SGMS1: variants seen among roughly 807,000 people sequenced by gnomAD.
SGMS1 encodes sphingomyelin synthase 1.
A neutral mutation model predicts 46.2 loss-of-function variants in SGMS1; 13 were observed. The ratio of observed to expected loss-of-function variants is 0.28; its 90% CI spans 0.18 to 0.45. The LOEUF (loss-of-function observed/expected upper bound fraction) is 0.45, where lower values mean the gene tolerates loss of function less well. Ranked by LOEUF, SGMS1 falls within the 20% of genes least tolerant of loss-of-function variation. The pLI is 1.00. For synonymous variants in SGMS1, 203 were observed against 187.8 expected (o/e 1.08, Z -0.66); for missense variants, 324 against 519.9 (o/e 0.62, Z 3.66).
chr10:50,497,806 T>A (rs767229516), intron 3 of SGMS1, among the ~76,000 whole-genome samples: 2 of 151,606 alleles, frequency 1.3e-5, no homozygotes, highest in Non-Finnish European at 2.9e-5. Context: ...AAAAAAAAAA[T>A]TCCAGATCCT....
At chr10:50,332,106 A>AAT (rs1453749511) in intron 7 of SGMS1, among the ~76,000 whole-genome samples, 1 of 152,190 alleles carries the variant, frequency 6.6e-6, no homozygotes, top group African/African-American at 2.4e-5. Flanking sequence ...CATTTTAATA[A>AAT]AATCCAAATC....
At chr10:50,588,150 C>T (rs574112322) in intron 2 of SGMS1, among the ~76,000 whole-genome samples, 1 of 152,250 alleles carries the variant, frequency 6.6e-6, no homozygotes, top group South Asian at 2.1e-4. Flanking sequence ...TCTGAGCTAC[C>T]CGTGATTCCA....
At chr10:50,543,678 T>C (rs1395652976) in intron 2 of SGMS1, among the ~76,000 whole-genome samples, 1 of 152,202 alleles carries the variant, frequency 6.6e-6, no homozygotes, top group African/African-American at 2.4e-5. Context: ...GGAACTTCCT[T>C]ACGAATCCCA....
At chr10:50,324,371 T>C (rs1847497543) in intron 8 of SGMS1, among the ~76,000 whole-genome samples, 1 of 152,330 alleles carries the variant, frequency 6.6e-6, no homozygotes, top group Admixed American at 6.5e-5. Context: ...CAGAGAGAGA[T>C]GGAAGATTCA....
intron 2 of SGMS1, among the ~76,000 whole-genome samples, chr10:50,553,007 C>T (rs1321603105): frequency 6.6e-6 from 1 of 152,206 alleles, no homozygotes; most frequent in African/African-American, 2.4e-5. Context: ...AGAGGGAGCA[C>T]AGCCCTGCCA....
chr10:50,486,286 A>AT (rs935002895), intron 3 of SGMS1, among the ~76,000 whole-genome samples: 1 of 152,212 alleles, frequency 6.6e-6, no homozygotes, highest in Non-Finnish European at 1.5e-5. Flanking sequence ...ATCAAAACCA[A>AT]TTGCAATAAA....
chr10:50,574,670 G>A (rs1404541548), intron 2 of SGMS1, among the ~76,000 whole-genome samples: 2 of 152,224 alleles, frequency 1.3e-5, no homozygotes, highest in East Asian at 3.9e-4. Context: ...GGATCTTGAG[G>A]AGATACCTGC....
In SGMS1 at chr10:50,306,807, G is replaced by A. The variant is rs1389541472; in HGVS notation, c.*335C>T. On this transcript the variant is annotated 3_prime_UTR_variant, in exon 11 of 11. Coordinates refer to ENST00000361781, the MANE Select transcript of SGMS1 (RefSeq NM_147156.4). ...AATAATACGCTTTATTTCCAGATGT[G>A]ACTGGAAAGACCAGAACTTATGATA... is the stretch of plus-strand genomic sequence containing the variant. The A allele has an allele frequency of 5.4e-6, 1 of 186,382 alleles. No homozygotes were observed. The allele number at this position is 186,382 out of a possible 1,614,324, so 11.5% of individuals were successfully genotyped here. A position where few individuals can be genotyped will look rare whatever the true frequency, so the allele number is the denominator to read the frequency against.
In SGMS1 at chr10:50,432,945, T is replaced by C. The variant is rs116187957; in HGVS notation, c.-232+531A>G. Among the ~76,000 whole-genome samples the C allele has an allele frequency of 6.2e-3, 946 of 152,294 alleles. 7 individuals are homozygous for C. Among genetic ancestry groups the C allele is most frequent in the African/African-American group, 0.022 (896 of 41,552 alleles). ...CAGTGAAACCAAAATCAACCATATG[T>C]AACTGTCAGATAATTAGCAAACATT... is the stretch of plus-strand genomic sequence containing the variant. On this transcript the variant is annotated intron_variant, in intron 6 of 10. Coordinates refer to ENST00000361781, the MANE Select transcript of SGMS1 (RefSeq NM_147156.4).
chr10:50,623,974 C>T, upstream of SGMS1: 1 of 985,406 alleles, frequency 1.0e-6, no homozygotes, highest in Non-Finnish European at 1.2e-6. Context: ...ATGCCCAGTC[C>T]GCTGCCCGAG....
At position 50,460,659 on chromosome 10, in the gene SGMS1, C is replaced by G. The variant is rs1837252606; in HGVS notation, c.-313+14G>C. The G allele has an allele frequency of 6.6e-6, 1 of 152,268 alleles. No homozygotes were observed. Among genetic ancestry groups the G allele is most frequent in the Non-Finnish European group, 1.5e-5 (1 of 68,042 alleles). 9.4% of individuals were successfully genotyped at this position (152,268 alleles called of 1,614,324 possible). On this transcript the variant is annotated intron_variant, in intron 5 of 10. Transcript: ENST00000361781. ...CCACATCAGGTTCAATCCAAGTTCT[C>G]CGTCAATACATACCTGCAACAGCCA... is the stretch of plus-strand genomic sequence containing the variant.
chr10:50,399,977 C>T (rs950253346), intron 6 of SGMS1, among the ~76,000 whole-genome samples: 3 of 149,242 alleles, frequency 2.0e-5, no homozygotes, highest in Non-Finnish European at 4.4e-5. Context: ...TGCAGTGAGC[C>T]GGGATCGCGC....
At chr10:50,619,532 G>A (rs183854271) in intron 1 of SGMS1, among the ~76,000 whole-genome samples, 34 of 152,304 alleles carry the variant, frequency 2.2e-4, no homozygotes, top group Non-Finnish European at 3.4e-4. Flanking sequence ...CTGGGGGAGA[G>A]GGGCCTGGGG....
At chr10:50,488,587 A>G (rs1038636341) in intron 3 of SGMS1, among the ~76,000 whole-genome samples, 4 of 152,206 alleles carry the variant, frequency 2.6e-5, no homozygotes, top group South Asian at 2.1e-4. Context: ...AAATGAGTCA[A>G]TATTCCAGAC....
In SGMS1 at chr10:50,308,151, G is replaced by A. The variant is rs1455293555; in HGVS notation, c.896-3C>T. On this transcript the variant is annotated splice_polypyrimidine_tract_variant and splice_region_variant and intron_variant, in intron 9 of 10. Coordinates refer to ENST00000361781, the MANE Select transcript of SGMS1 (RefSeq NM_147156.4). ...CCACCAGAGTCGCCGAGGGGAATCT[G>A]AAAGGGGGAGAGATTTGCAATAGTC... The A allele has an allele frequency of 6.2e-7, 1 of 1,611,992 alleles. No individual in the cohort carries two copies. Among genetic ancestry groups the A allele is most frequent in the African/African-American group, 1.3e-5 (1 of 74,826 alleles).
rs35240090 is a variant in SGMS1 at position 50,587,633 on chromosome 10, A to ATGTGTGTGTGTGTG, written c.-589+2506_-589+2519dup. ...AGCAAGACTGCATCTCAAAATATAT[A>ATGTGTGTGTGTGTG]TGTGTGTGTGTGTGTGTGTGTGTGT... On this transcript the variant is annotated intron_variant, in intron 2 of 10. Coordinates refer to ENST00000361781, the MANE Select transcript of SGMS1 (RefSeq NM_147156.4). Among the ~76,000 whole-genome samples, 381 of 138,210 alleles carry ATGTGTGTGTGTGTG rather than the reference A, an allele frequency of 2.8e-3. 4 individuals are homozygous for ATGTGTGTGTGTGTG. Among genetic ancestry groups the ATGTGTGTGTGTGTG allele is most frequent in the Middle Eastern group, 3.5e-3 (1 of 286 alleles). 90.7% of individuals were successfully genotyped at this position (138,210 alleles called of 152,430 possible).
intron 3 of SGMS1, among the ~76,000 whole-genome samples, chr10:50,484,332 C>T (rs1837501969): frequency 6.6e-6 from 1 of 152,028 alleles, no homozygotes; most frequent in Non-Finnish European, 1.5e-5. Flanking sequence ...ATACACCCTC[C>T]CAAGACTAAA....
intron 3 of SGMS1, among the ~76,000 whole-genome samples, chr10:50,493,511 G>T (rs1434723666): frequency 1.3e-5 from 2 of 152,046 alleles, no homozygotes; most frequent in East Asian, 3.9e-4. Flanking sequence ...CATAGCAAAA[G>T]AAACTATCAA....
At chr10:50,623,994 C>T (rs1371803440), upstream of SGMS1, 13 of 985,494 alleles carry the variant, frequency 1.3e-5, 1 homozygote, top group East Asian at 1.4e-3. Context: ...GCCGGCCCGG[C>T]TTCCCGCGCG....
Sources: gnomAD v4.1 joint callset for allele counts (sites outside exome capture counted in the v4.1 genomes callset) on GRCh38, gnomAD v4.1.1 for gene constraint, MANE v1.5 for transcripts, NCBI Gene and HGNC (gene_info 2026-07-23, HGNC 2026-07-21) for gene names.